THSD4: variants seen among roughly 807,000 people sequenced by gnomAD.
THSD4 encodes thrombospondin type 1 domain containing 4.
THSD4 carries 69 observed loss-of-function variants against 119.0 expected under a neutral mutation model. That is an observed-to-expected ratio of 0.58 (90% CI 0.48 to 0.71). The LOEUF (loss-of-function observed/expected upper bound fraction) is 0.71. Among genes scored for constraint, THSD4 ranks in the 30% least tolerant of loss-of-function variants. The pLI is 0.00. For missense variants in THSD4, 1,393 were observed against 1,391.1 expected, an observed-to-expected ratio of 1.00 and a Z score of -0.02; for synonymous variants, 524 against 540.4, an observed-to-expected ratio of 0.97 and a Z score of 0.42.
chr15:71,354,225 G>A (rs1161985216), intron 6 of THSD4, among the ~76,000 whole-genome samples: 3 of 152,196 alleles, frequency 2.0e-5, no homozygotes, highest in Non-Finnish European at 4.4e-5. Context: ...AGTCTAGGAG[G>A]TTGAGGCTGC....
intron 11 of THSD4, chr15:71,738,286 G>A (rs115113115): frequency 2.5e-5 from 9 of 355,188 alleles, no homozygotes; most frequent in Admixed American, 4.4e-5. Flanking sequence ...AGAATGTAAC[G>A]CCACCACTGA....
chr15:71,221,948 TG>T (rs2043978864), intron 4 of THSD4, among the ~76,000 whole-genome samples: 1 of 152,184 alleles, frequency 6.6e-6, no homozygotes. Context: ...CTAATGGGTG[TG>T]GGGTGGTATC....
intron 4 of THSD4, among the ~76,000 whole-genome samples, chr15:71,240,452 G>A (rs1291112698): frequency 6.6e-6 from 1 of 152,068 alleles, no homozygotes; most frequent in Non-Finnish European, 1.5e-5. Context: ...CTGTGGACCA[G>A]CAGCATTGGC....
chr15:71,207,679 A>G (rs1177345717), intron 3 of THSD4, among the ~76,000 whole-genome samples: 1 of 152,222 alleles, frequency 6.6e-6, no homozygotes, highest in African/African-American at 2.4e-5. Flanking sequence ...GGGCAGCGGC[A>G]TTAGATTCTC....
chr15:71,215,169 G>A lies in THSD4; in HGVS notation c.234G>A (p.Arg78=). 2.9e-6 allele frequency: 4 copies of A among 1,368,424 alleles called. No homozygotes were observed. The highest frequency in any genetic ancestry group is 1.6e-5 in the South Asian group (1 of 60,936). The allele number at this position is 1,368,424 out of a possible 1,614,324, so 84.8% of individuals were successfully genotyped here. ...GCGGCGGCGTGATGGAGCAGACGCGGCCCTGCCTGCCCCGCTCCTACCGCC... is the reference window on the plus strand; with the variant it reads ...GCGGCGGCGTGATGGAGCAGACGCGACCCTGCCTGCCCCGCTCCTACCGCC... ...SCSGGVMEQT[R]PCLPRSYRLR... is the part of the protein sequence containing the mutation. The change falls in exon 4 of 18, where the codon CGG becomes CGA. Residue 78 remains arginine (R), a synonymous_variant. Coordinates refer to ENST00000261862, the MANE Select transcript of THSD4 (RefSeq NM_024817.3).
intron 8 of THSD4, among the ~76,000 whole-genome samples, chr15:71,699,677 G>A (rs2052245058): frequency 6.6e-6 from 1 of 152,174 alleles, no homozygotes; most frequent in African/African-American, 2.4e-5. Flanking sequence ...AGAGATGGCA[G>A]GTCCAGAATT....
intron 7 of THSD4, among the ~76,000 whole-genome samples, chr15:71,414,362 C>T (rs1171473596): frequency 1.3e-5 from 2 of 152,288 alleles, no homozygotes; most frequent in African/African-American, 4.8e-5. Flanking sequence ...GATGCACATG[C>T]TCTTTTGGGT....
At chr15:71,437,072 G>C (rs565679771) in intron 7 of THSD4, among the ~76,000 whole-genome samples, 3 of 152,284 alleles carry the variant, frequency 2.0e-5, no homozygotes, top group African/African-American at 7.2e-5. Flanking sequence ...GTTGGCATCT[G>C]CTCAGCTTCT....
At chr15:71,579,453 C>T (rs1385087005) in intron 7 of THSD4, among the ~76,000 whole-genome samples, 2 of 152,176 alleles carry the variant, frequency 1.3e-5, no homozygotes, top group East Asian at 3.9e-4. Context: ...GTAAACAAGT[C>T]CCCAGAAGAG....
chr15:71,673,227 G>A (rs2051569470), intron 8 of THSD4, among the ~76,000 whole-genome samples: 1 of 152,144 alleles, frequency 6.6e-6, no homozygotes, highest in Non-Finnish European at 1.5e-5. Context: ...GAGGGTGTAT[G>A]TGTCCAGGAA....
At chr15:71,325,671 T>C (rs769135851) in intron 6 of THSD4, among the ~76,000 whole-genome samples, 40 of 152,374 alleles carry the variant, frequency 2.6e-4, no homozygotes, top group Middle Eastern at 3.4e-3. Flanking sequence ...CTGTCAGTAC[T>C]GACTGCTTAG....
At chr15:71,165,653 AT>A (rs1350588090) in intron 3 of THSD4, among the ~76,000 whole-genome samples, 3 of 151,578 alleles carry the variant, frequency 2.0e-5, no homozygotes, top group Non-Finnish European at 4.4e-5. Flanking sequence ...CTCTGTACAG[AT>A]TTTTCAACTG....
In THSD4 at chr15:71,460,045, A is replaced by G. The variant is rs540259760; in HGVS notation, c.1152+48222A>G. On this transcript the variant is annotated intron_variant, in intron 7 of 17. Coordinates refer to ENST00000261862, the MANE Select transcript of THSD4 (RefSeq NM_024817.3). ...TTCTGGCCACACTAATGTCTATCCT[A>G]TAATAGGTGTCAAGACCCCTTTTTC... Among the ~76,000 whole-genome samples the G allele has an allele frequency of 1.1e-4, 16 of 152,250 alleles. No individual in the cohort carries two copies. In the South Asian group the frequency reaches 2.1e-3, roughly 20 times the overall value.
intron 1 of THSD4, among the ~76,000 whole-genome samples, chr15:71,138,993 A>T (rs1387743674): frequency 7.0e-6 from 1 of 142,770 alleles, no homozygotes; most frequent in Non-Finnish European, 1.5e-5. Context: ...CATTTTACAG[A>T]TGAAGAAAGG....
intron 1 of THSD4, among the ~76,000 whole-genome samples, chr15:71,117,016 C>T (rs1213877829): frequency 2.0e-5 from 3 of 151,976 alleles, no homozygotes; most frequent in Non-Finnish European, 4.4e-5. Flanking sequence ...AGCAGATGGG[C>T]GTCCTGGGAC....
intron 7 of THSD4, among the ~76,000 whole-genome samples, chr15:71,489,411 C>G (rs545322598): frequency 6.6e-6 from 1 of 152,184 alleles, no homozygotes; most frequent in South Asian, 2.1e-4. Context: ...TTCTTACCCC[C>G]CAAATTGCAT....
intron 6 of THSD4, among the ~76,000 whole-genome samples, chr15:71,400,630 T>C (rs2046516873): frequency 6.6e-6 from 1 of 152,182 alleles, no homozygotes; most frequent in African/African-American, 2.4e-5. Flanking sequence ...TGCAAACTGG[T>C]CCATTGCTTT....
chr15:71,762,522 G>A (rs142442505), intron 15 of THSD4, among the ~76,000 whole-genome samples: 3 of 152,146 alleles, frequency 2.0e-5, no homozygotes, highest in African/African-American at 4.8e-5. Flanking sequence ...ACTATTTAGC[G>A]ACACTGTCTA....
At chr15:71,714,201 T>G (rs8027192) in intron 8 of THSD4, among the ~76,000 whole-genome samples, 2 of 152,020 alleles carry the variant, frequency 1.3e-5, no homozygotes, top group Admixed American at 1.3e-4. Context: ...GATTATGAGA[T>G]GAAGATAGTT....
Sources: gnomAD v4.1 joint callset for allele counts (sites outside exome capture counted in the v4.1 genomes callset) on GRCh38, gnomAD v4.1.1 for gene constraint, MANE v1.5 for transcripts, NCBI Gene and HGNC (gene_info 2026-07-23, HGNC 2026-07-21) for gene names.